MEF2A: variants seen among roughly 807,000 people sequenced by gnomAD.
The protein encoded by MEF2A is myocyte-specific enhancer factor 2A.
Under a neutral mutation model 55.8 loss-of-function variants are expected in MEF2A, and 28 were observed. The observed-to-expected ratio is 0.50, with a 90% confidence interval of 0.37 to 0.69. The LOEUF is 0.69. MEF2A is among the 30% of genes least tolerant of loss of function. MEF2A has a pLI of 0.00. For missense variants in MEF2A, 528 were observed against 626.2 expected (o/e 0.84, Z 1.67); for synonymous variants, 239 against 227.1 (o/e 1.05, Z -0.47).
chr15:99,693,418 C>T (rs1469867683), intron 8 of MEF2A, among the ~76,000 whole-genome samples: 3 of 152,018 alleles, frequency 2.0e-5, no homozygotes, highest in Non-Finnish European at 2.9e-5. Flanking sequence ...CACACATGCA[C>T]GCATGCACAC....
intron 4 of MEF2A, among the ~76,000 whole-genome samples, chr15:99,670,263 G>C (rs1158397839): frequency 2.7e-5 from 4 of 150,906 alleles, no homozygotes; most frequent in Non-Finnish European, 5.9e-5. Context: ...ATTATACTAA[G>C]AAAAAAAAAG....
rs143485663 is a variant in MEF2A at position 99,706,553 on chromosome 15, C to G, written c.883-176C>G. On this transcript the variant is annotated intron_variant, in intron 9 of 11. Coordinates refer to ENST00000557942, the MANE Select transcript of MEF2A (RefSeq NM_001319206.4). ...AAAAGAATTAATGTAAAAATAGGAC[C>G]CTTCAAATTAAATATTTAGTTATTC... The G allele has an allele frequency of 1.1e-5, 7 of 627,520 alleles. No individual in the cohort carries two copies. In the East Asian group the frequency reaches 2.0e-4, roughly 18 times the overall value. The allele number at this position is 627,520 out of a possible 1,614,324, so 38.9% of individuals were successfully genotyped here.
chr15:99,706,274 C>G (rs1008985265), intron 9 of MEF2A, among the ~76,000 whole-genome samples: 6 of 152,230 alleles, frequency 3.9e-5, no homozygotes, highest in Non-Finnish European at 7.3e-5. Context: ...TGACTTCAAA[C>G]CGTGTTAACA....
intron 4 of MEF2A, chr15:99,657,515 T>C (rs1418713261): frequency 6.6e-6 from 1 of 152,020 alleles, no homozygotes; most frequent in East Asian, 1.9e-4. Flanking sequence ...TCAAGGAATA[T>C]GCCAGGCCAA....
chr15:99,661,636 G>A (rs1456696294), intron 4 of MEF2A, among the ~76,000 whole-genome samples: 1 of 152,014 alleles, frequency 6.6e-6, no homozygotes, highest in Non-Finnish European at 1.5e-5. Context: ...TATGAAATGT[G>A]CTTCATTTCA....
chr15:99,567,961 G>GA (rs1960461664), intron 1 of MEF2A, among the ~76,000 whole-genome samples: 1 of 152,178 alleles, frequency 6.6e-6, no homozygotes, highest in Admixed American at 6.5e-5. Context: ...TTGAATGTTT[G>GA]TAGACTCTAG....
intron 2 of MEF2A, among the ~76,000 whole-genome samples, chr15:99,606,250 A>G (rs974657316): frequency 8.5e-5 from 13 of 152,156 alleles, no homozygotes; most frequent in Non-Finnish European, 1.6e-4. Flanking sequence ...CAGTTTAAGA[A>G]TGATTCGTAT....
intron 1 of MEF2A, among the ~76,000 whole-genome samples, chr15:99,570,080 TATTA>T (rs1159905696): frequency 7.9e-5 from 12 of 152,110 alleles, no homozygotes; most frequent in Admixed American, 2.0e-4. Flanking sequence ...ATATTTTAAT[TATTA>T]ATTATCTTAG....
chr15:99,623,708 A>G (rs1265009445), intron 2 of MEF2A, among the ~76,000 whole-genome samples: 1 of 151,824 alleles, frequency 6.6e-6, no homozygotes, highest in Non-Finnish European at 1.5e-5. Context: ...TGCAATGTCT[A>G]TTCAAGTCCT....
At chr15:99,695,801 G>T (rs1017775490) in intron 8 of MEF2A, among the ~76,000 whole-genome samples, 2 of 151,710 alleles carry the variant, frequency 1.3e-5, no homozygotes, top group Non-Finnish European at 2.9e-5. Context: ...GGAGGTTGCA[G>T]TGAGCCAAGA....
chr15:99,607,846 A>G (rs72760520), intron 2 of MEF2A, among the ~76,000 whole-genome samples: 1 of 152,316 alleles, frequency 6.6e-6, no homozygotes, highest in Non-Finnish European at 1.5e-5. Context: ...AGGGCAGTTT[A>G]CAAAGTCTCC....
intron 10 of MEF2A, among the ~76,000 whole-genome samples, chr15:99,709,635 T>C (rs1036553855): frequency 3.9e-5 from 6 of 152,192 alleles, no homozygotes; most frequent in Admixed American, 2.0e-4. Context: ...TCTTGAGACA[T>C]GAGAAAGAAG....
At chr15:99,690,996 AG>A (rs1271450369) in intron 8 of MEF2A, among the ~76,000 whole-genome samples, 1 of 152,212 alleles carries the variant, frequency 6.6e-6, no homozygotes, top group Non-Finnish European at 1.5e-5. Context: ...TAAATACTCA[AG>A]GTAATAGATG....
chr15:99,603,543 T>TTG (rs1300288383), intron 2 of MEF2A, among the ~76,000 whole-genome samples: 6,070 of 126,448 alleles, frequency 0.048, 252 homozygotes, highest in African/African-American at 0.12. Flanking sequence ...CTGGCTGATT[T>TTG]TGTGTGTGTG....
chr15:99,653,271 A>G (rs565268287), intron 4 of MEF2A, among the ~76,000 whole-genome samples: 4 of 152,302 alleles, frequency 2.6e-5, no homozygotes, highest in African/African-American at 9.6e-5. Context: ...TGGCACTTCA[A>G]ACACACAATT....
intron 2 of MEF2A, among the ~76,000 whole-genome samples, chr15:99,611,591 G>C (rs1415939762): frequency 1.3e-5 from 2 of 152,196 alleles, no homozygotes; most frequent in African/African-American, 4.8e-5. Context: ...AAATGCTTCA[G>C]ACTCCTTAGA....
At chr15:99,687,846 A>G (rs1197664271) in intron 7 of MEF2A, among the ~76,000 whole-genome samples, 1 of 152,166 alleles carries the variant, frequency 6.6e-6, no homozygotes, top group East Asian at 1.9e-4. Flanking sequence ...TGGTTTCTCT[A>G]CATATACCCT....
At chr15:99,598,958 A>G (rs1261785701) in intron 2 of MEF2A, among the ~76,000 whole-genome samples, 2 of 152,158 alleles carry the variant, frequency 1.3e-5, no homozygotes, top group Non-Finnish European at 1.5e-5. Context: ...GGAAAGGTCA[A>G]ATAGAAAAAG....
intron 1 of MEF2A, among the ~76,000 whole-genome samples, chr15:99,586,048 A>C (rs546377535): frequency 6.6e-6 from 1 of 152,198 alleles, no homozygotes; most frequent in South Asian, 2.1e-4. Flanking sequence ...TCTGTTGACT[A>C]GTGTTCCTTT....
Sources: gnomAD v4.1 joint callset for allele counts (sites outside exome capture counted in the v4.1 genomes callset) on GRCh38, gnomAD v4.1.1 for gene constraint, MANE v1.5 for transcripts, NCBI Gene and HGNC (gene_info 2026-07-23, HGNC 2026-07-21) for gene names.